TMEM231: variants seen among roughly 807,000 people sequenced by gnomAD.
The protein encoded by TMEM231 is transmembrane protein 231.
A neutral mutation model predicts 38.5 loss-of-function variants in TMEM231; 40 were observed. That is an observed-to-expected ratio of 1.04 (90% confidence interval 0.81 to 1.35). TMEM231 has a LOEUF of 1.35. Ranked by LOEUF, TMEM231 falls within the 40% of genes most tolerant of loss-of-function variation. The pLI is 0.00. For missense variants in TMEM231, 420 were observed against 416.9 expected (o/e 1.01, Z -0.07); for synonymous variants, 199 against 181.7 (o/e 1.10, Z -0.77).
Position 75,537,305 on chromosome 16 carries a change from A to G in TMEM231, c.*2689T>C, listed in dbSNP as rs532511344. ...TAAAAGTTGGAAGGAAAAAAAAAAAAGAAATAATTGCTTTATTAGCCTTAC... is the reference window on the plus strand; with the variant it reads ...TAAAAGTTGGAAGGAAAAAAAAAAAGGAAATAATTGCTTTATTAGCCTTAC... On this transcript the variant is annotated 3_prime_UTR_variant, in exon 7 of 7. Transcript: ENST00000258173. 2.0e-5 allele frequency: 3 copies of G among 150,956 alleles called. No individual in the cohort carries two copies. Among genetic ancestry groups the G allele is most frequent in the East Asian group, 3.9e-4 (2 of 5,178 alleles). 9.4% of individuals were successfully genotyped at this position (150,956 alleles called of 1,614,324 possible).
At chr16:75,541,778 G>C (rs1052144010) in intron 5 of TMEM231, 3 of 173,450 alleles carry the variant, frequency 1.7e-5, no homozygotes, top group African/African-American at 7.1e-5. Context: ...TATATTCCAA[G>C]TTTAAATAAA....
At chr16:75,549,101 TGGAAA>T (rs1248863119) in intron 2 of TMEM231, among the ~76,000 whole-genome samples, 5 of 152,068 alleles carry the variant, frequency 3.3e-5, no homozygotes, top group Non-Finnish European at 7.4e-5. Context: ...GAAGTTTCGA[TGGAAA>T]GGATGTGTCT....
chr16:75,550,608 T>C (rs1334652360), intron 2 of TMEM231, among the ~76,000 whole-genome samples: 2 of 152,172 alleles, frequency 1.3e-5, no homozygotes, highest in African/African-American at 4.8e-5. Flanking sequence ...CAGAGTATCC[T>C]GATGTGTGAC....
At chr16:75,549,889 A>T (rs2080737324) in intron 2 of TMEM231, among the ~76,000 whole-genome samples, 1 of 151,960 alleles carries the variant, frequency 6.6e-6, no homozygotes, top group South Asian at 2.1e-4. Flanking sequence ...TTGCATTTTT[A>T]GTAGAGATGG....
chr16:75,544,504 A>C lies in TMEM231; in HGVS notation c.582+848T>G, dbSNP rs376182658. 1.7e-4 allele frequency among the ~76,000 whole-genome samples: 26 copies of C among 152,288 alleles called. No homozygotes were observed. The East Asian group carries it at 2.3e-3, about 14-fold the overall frequency. Reference sequence around the variant, plus strand: ...TGGAAGGGAGCAAGCGGGGGCAGTGATGGGACAAGTGGCTGGAGTGCGGGG... The same window carrying C: ...TGGAAGGGAGCAAGCGGGGGCAGTGCTGGGACAAGTGGCTGGAGTGCGGGG... On this transcript the variant is annotated intron_variant, in intron 4 of 6. Transcript: ENST00000258173.
At chr16:75,542,302 CA>C (rs949215925) in intron 5 of TMEM231, among the ~76,000 whole-genome samples, 1 of 151,024 alleles carries the variant, frequency 6.6e-6, no homozygotes, top group Non-Finnish European at 1.5e-5. Context: ...GTATGGGGAA[CA>C]ACTCAATTAG....
At chr16:75,553,274 G>C (rs939170125) in intron 2 of TMEM231, among the ~76,000 whole-genome samples, 1 of 152,164 alleles carries the variant, frequency 6.6e-6, no homozygotes, top group Non-Finnish European at 1.5e-5. Context: ...TAAGGGCTAA[G>C]ATTTTAAGAT....
Position 75,555,640 on chromosome 16 carries a change from T to A in TMEM231, c.309+164A>T, listed in dbSNP as rs75049001. ...AAGCAGAATGAAACAGAAGATCGAT[T>A]CCCTAGGTCCTAGGAGATGAAACGC... On this transcript the variant is annotated intron_variant, in intron 2 of 6. Transcript: ENST00000258173. 5.4e-4 allele frequency: 333 copies of A among 614,996 alleles called. No individual in the cohort carries two copies. In the African/African-American group the frequency reaches 5.8e-3, roughly 11 times the overall value. The allele number at this position is 614,996 out of a possible 1,614,324, so 38.1% of individuals were successfully genotyped here.
intron 3 of TMEM231, 149 bp from the exon 4 acceptor site, chr16:75,545,644 C>G: frequency 1.6e-6 from 1 of 610,556 alleles, no homozygotes. Context: ...ACCTTCTGAG[C>G]TATTAATAGC....
At chr16:75,550,220 G>T (rs549323582) in intron 2 of TMEM231, among the ~76,000 whole-genome samples, 1 of 152,336 alleles carries the variant, frequency 6.6e-6, no homozygotes, top group South Asian at 2.1e-4. Flanking sequence ...TTCAAGAAGG[G>T]ACCGCGGCCC....
chr16:75,552,499 G>T (rs1047910893), intron 2 of TMEM231, among the ~76,000 whole-genome samples: 1 of 152,090 alleles, frequency 6.6e-6, no homozygotes, highest in Non-Finnish European at 1.5e-5. Context: ...GAAACTAAAA[G>T]CCATTGGTCT....
Position 75,542,767 on chromosome 16 carries a change from T to A in TMEM231, c.583-84A>T, listed in dbSNP as rs1217406195. The A allele has an allele frequency of 7.6e-6, 9 of 1,185,766 alleles. No individual in the cohort carries two copies. The East Asian group carries it at 2.1e-4, about 28-fold the overall frequency. 73.5% of individuals were successfully genotyped at this position (1,185,766 alleles called of 1,614,324 possible). A position where few individuals can be genotyped will look rare whatever the true frequency, so the allele number is the denominator to read the frequency against. On this transcript the variant is annotated intron_variant, in intron 4 of 6. Transcript: ENST00000258173. ...CTACCCTTCTGCCCACCCAGGCTGG[T>A]CCCACAGAGCACCCTCTTGTTCTTG...
chr16:75,546,886 T>C (rs1384497019), intron 2 of TMEM231, among the ~76,000 whole-genome samples: 2 of 152,166 alleles, frequency 1.3e-5, no homozygotes, highest in Non-Finnish European at 2.9e-5. Context: ...AAAAGGAAGC[T>C]ATGTCAAATC....
intron 5 of TMEM231, among the ~76,000 whole-genome samples, chr16:75,542,364 T>C (rs888095788): frequency 1.3e-5 from 2 of 150,406 alleles, no homozygotes; most frequent in African/African-American, 2.5e-5. Flanking sequence ...GGGATAATGA[T>C]GGCATTTAAC....
At chr16:75,546,761 A>T (rs1363365357) in intron 2 of TMEM231, among the ~76,000 whole-genome samples, 1 of 152,200 alleles carries the variant, frequency 6.6e-6, no homozygotes, top group African/African-American at 2.4e-5. Context: ...CTCTGTTTAT[A>T]GATTCTGAAA....
intron 2 of TMEM231, among the ~76,000 whole-genome samples, chr16:75,554,556 AAAAAAAAGAAAAGAAAAG>A (rs1253676342): frequency 6.7e-6 from 1 of 149,416 alleles, no homozygotes. Context: ...AAAAAAAAAA[AAAAAAAAGAAAAGAAAAG>A]AAAAAAGAAA....
intron 4 of TMEM231, among the ~76,000 whole-genome samples, chr16:75,543,270 T>TA (rs897003269): frequency 7.4e-5 from 11 of 149,280 alleles, no homozygotes; most frequent in Non-Finnish European, 8.9e-5. Flanking sequence ...AAAATAAAAA[T>TA]AAAAAAAAAT....
chr16:75,542,761 G>C, intron 4 of TMEM231, 78 bp from the exon 5 acceptor site: 1 of 1,329,098 alleles, frequency 7.5e-7, no homozygotes, highest in Non-Finnish European at 1.1e-6. Context: ...TGCCCACCCA[G>C]GCTGGTCCCA....
intron 2 of TMEM231, among the ~76,000 whole-genome samples, chr16:75,553,659 G>A (rs962586111): frequency 6.6e-6 from 1 of 151,226 alleles, no homozygotes; most frequent in African/African-American, 2.4e-5. Flanking sequence ...AAAAGCTAGG[G>A]CAAATTGTAC....
Sources: gnomAD v4.1 joint callset for allele counts (sites outside exome capture counted in the v4.1 genomes callset) on GRCh38, gnomAD v4.1.1 for gene constraint, MANE v1.5 for transcripts, NCBI Gene and HGNC (gene_info 2026-07-23, HGNC 2026-07-21) for gene names.